Variants in WDR62 observed in about 807,000 individuals in gnomAD.
WDR62 encodes the protein WD repeat domain 62, also known as WD repeat-containing protein 62.
A neutral mutation model predicts 160.6 loss-of-function variants in WDR62; 112 were observed. The ratio of observed to expected loss-of-function variants is 0.70; its 90% CI spans 0.60 to 0.82. The LOEUF (loss-of-function observed/expected upper bound fraction) is 0.82, where lower values mean the gene tolerates loss of function less well. Ranked by LOEUF, WDR62 falls within the 40% of genes least tolerant of loss-of-function variation. WDR62 has a pLI of 0.00. For missense variants in WDR62, 1,819 were observed against 1,983.8 expected (o/e 0.92, Z 1.58); for synonymous variants, 792 against 815.1 (o/e 0.97, Z 0.48).
At chr19:36,078,652 TG>T (rs1971716704) in intron 9 of WDR62, among the ~76,000 whole-genome samples, 1 of 151,788 alleles carries the variant, frequency 6.6e-6, no homozygotes, top group Admixed American at 6.6e-5. Flanking sequence ...CTGGCCAACA[TG>T]GCAAAACCCT....
intron 3 of WDR62, chr19:36,060,288 G>A (rs1462436364): frequency 1.9e-6 from 1 of 534,428 alleles, no homozygotes; most frequent in Non-Finnish European, 3.4e-6. Flanking sequence ...CATGATCAGT[G>A]CTATGGAGGA....
downstream of WDR62, among the ~76,000 whole-genome samples, chr19:36,107,413 A>AG (rs1417487898): frequency 6.6e-6 from 1 of 151,980 alleles, no homozygotes; most frequent in Non-Finnish European, 1.5e-5. Context: ...TGTGGAGTGC[A>AG]GGGGGCTCAC....
At position 36,080,448 on chromosome 19, in the gene WDR62, T is replaced by C. The variant is rs146784499; in HGVS notation, c.1234-985T>C. Among the ~76,000 whole-genome samples, 339 of 147,972 alleles carry C rather than the reference T, an allele frequency of 2.3e-3. 13 individuals are homozygous for C. The East Asian group carries it at 0.058, about 25-fold the overall frequency. On this transcript the variant is annotated intron_variant, in intron 9 of 31. Transcript: ENST00000401500. ...TTTTTTTATTTTTATTTTTTTGAGATGGAGTTTCGCTCTTGTTACCCAGAC... is the reference window on the plus strand; with the variant it reads ...TTTTTTTATTTTTATTTTTTTGAGACGGAGTTTCGCTCTTGTTACCCAGAC...
chr19:36,103,108 G>T, intron 28 of WDR62, 34 bp downstream of exon 28: 1 of 1,614,036 alleles, frequency 6.2e-7, no homozygotes, highest in Non-Finnish European at 8.5e-7. Flanking sequence ...CAGGGCACGG[G>T]GCTGGGAACC....
intron 22 of WDR62, 142 bp downstream of exon 22, chr19:36,099,759 T>A: frequency 1.2e-6 from 1 of 850,840 alleles, no homozygotes; most frequent in Non-Finnish European, 1.9e-6. Flanking sequence ...GCCCCAGGTC[T>A]GTTGCACAGC....
intron 9 of WDR62, chr19:36,073,791 G>A: frequency 1.9e-6 from 1 of 523,048 alleles, no homozygotes; most frequent in Non-Finnish European, 3.7e-6. Context: ...ATGAGGCGGG[G>A]AAGGGGAAGG....
chr19:36,071,151 C>T, intron 7 of WDR62: 1 of 215,708 alleles, frequency 4.6e-6, no homozygotes, highest in South Asian at 6.4e-5. Context: ...TTGCAGTGAG[C>T]CGAGATTGTG....
At chr19:36,055,254 C>T (rs1970295937) in intron 1 of WDR62, 106 bp downstream of exon 1, 2 of 1,300,256 alleles carry the variant, frequency 1.5e-6, no homozygotes, top group Admixed American at 2.0e-5. Flanking sequence ...CCAGTCCCCT[C>T]AGGTTGTTCC....
intron 19 of WDR62, among the ~76,000 whole-genome samples, 153 bp from the exon 20 acceptor site, chr19:36,093,878 C>T (rs553929008): frequency 6.6e-6 from 1 of 152,284 alleles, no homozygotes; most frequent in Non-Finnish European, 1.5e-5. Flanking sequence ...AGTGGGGAGA[C>T]GGCATCAAGT....
At chr19:36,075,856 A>G (rs1971546685) in intron 9 of WDR62, 1 of 152,194 alleles carries the variant, frequency 6.6e-6, no homozygotes, top group African/African-American at 2.4e-5. Flanking sequence ...TACTTACGTG[A>G]AGAGATATTT....
In WDR62 at chr19:36,101,667, C is replaced by CG; in HGVS notation, c.2980dup (p.Glu994GlyfsTer21). On this transcript the variant is annotated frameshift_variant, in exon 25 of 32. Transcript: ENST00000401500. LOFTEE classifies it high-confidence loss of function. ...TGACCCCGACTCTGTCCTTCAGACT[C>CG]GGGGGAGTCAGAGGCCGACCTGGAG... 6.4e-7 allele frequency: 1 copy of CG among 1,550,408 alleles called. No homozygotes were observed. The highest frequency in any genetic ancestry group is 8.7e-7 in the Non-Finnish European group (1 of 1,146,486).
downstream of WDR62, among the ~76,000 whole-genome samples, chr19:36,109,072 T>C (rs938849790): frequency 2.6e-5 from 4 of 152,094 alleles, no homozygotes; most frequent in African/African-American, 9.7e-5. Context: ...CGGAAATGCA[T>C]GGCCAGCAGA....
rs146107199 is a variant in WDR62 at position 36,055,226 on chromosome 19, C to G, written c.177+78C>G. 8.4e-5 allele frequency: 126 copies of G among 1,497,550 alleles called. 1 individual carries two copies. The highest frequency in any genetic ancestry group is 1.1e-4 in the Non-Finnish European group (120 of 1,106,224). The allele number at this position is 1,497,550 out of a possible 1,614,324, so 92.8% of individuals were successfully genotyped here. A position where few individuals can be genotyped will look rare whatever the true frequency, so the allele number is the denominator to read the frequency against. The stretch of plus-strand genomic sequence containing the variant: ...CTAGTCCCGTCCTGAGAACTGTGGC[C>G]CCGACATCAGCCCCCGGCCAGTCCC... On this transcript the variant is annotated intron_variant, in intron 1 of 31. Coordinates refer to ENST00000401500, the MANE Select transcript of WDR62 (RefSeq NM_001083961.2).
At chr19:36,081,930 C>T in intron 10 of WDR62, 1 of 472,418 alleles carries the variant, frequency 2.1e-6, no homozygotes, top group South Asian at 1.6e-5. Flanking sequence ...ATTCAGCTGC[C>T]ACACAGTGAG....
chr19:36,099,869 TG>T (rs1319822371), intron 22 of WDR62, among the ~76,000 whole-genome samples: 31 of 152,308 alleles, frequency 2.0e-4, no homozygotes. Context: ...GGGGGACATT[TG>T]GGTAGATCGA....
chr19:36,075,602 C>T (rs966735774), intron 9 of WDR62, among the ~76,000 whole-genome samples: 2 of 152,086 alleles, frequency 1.3e-5, no homozygotes, highest in African/African-American at 2.4e-5. Flanking sequence ...GCCGCCACCA[C>T]GCCTGGCTAA....
At chr19:36,106,362 C>CA (rs10668126), downstream of WDR62, among the ~76,000 whole-genome samples, 34,779 of 115,048 alleles carry the variant, frequency 0.3, 5,130 homozygotes, top group Non-Finnish European at 0.35. Context: ...CAGCAAGTCT[C>CA]AAAAAAAAAA....
chr19:36,079,942 G>C (rs578055183), intron 9 of WDR62, among the ~76,000 whole-genome samples: 2 of 152,052 alleles, frequency 1.3e-5, no homozygotes, highest in South Asian at 4.2e-4. Flanking sequence ...AATTAATGCC[G>C]CTACTATCAT....
chr19:36,074,496 C>T (rs961388203), intron 9 of WDR62, among the ~76,000 whole-genome samples: 2 of 152,016 alleles, frequency 1.3e-5, no homozygotes, highest in African/African-American at 4.8e-5. Context: ...CCCGGCTTTA[C>T]AAAAAATACA....
Sources: allele counts gnomAD v4.1 joint callset (sites outside exome capture counted in the v4.1 genomes callset), GRCh38; gene constraint gnomAD v4.1.1; transcripts MANE v1.5; gene names NCBI Gene and HGNC (gene_info 2026-07-23, HGNC 2026-07-21).